The following SLC14A2 variants were observed in gnomAD, a reference collection of about 807,000 sequenced individuals.
The protein encoded by SLC14A2 is solute carrier family 14 member 2.
SLC14A2 carries 91 observed loss-of-function variants against 104.6 expected under a neutral mutation model. That is an observed-to-expected ratio of 0.87 (90% confidence interval 0.73 to 1.04). The LOEUF (loss-of-function observed/expected upper bound fraction) is 1.04, where lower values mean the gene tolerates loss of function less well. Among genes scored for constraint, SLC14A2 ranks in the 50% least tolerant of loss-of-function variants. SLC14A2 has a pLI of 0.00. For missense variants in SLC14A2, 1,189 were observed against 1,156.0 expected (o/e 1.03, Z -0.41); for synonymous variants, 476 against 466.4 (o/e 1.02, Z -0.27).
At chr18:45,661,023 T>C (rs4890295) in intron 10 of SLC14A2, among the ~76,000 whole-genome samples, 122,359 of 152,152 alleles carry the variant, frequency 0.8, 49,746 homozygotes, top group Middle Eastern at 0.84. Flanking sequence ...GTCTTGGCCA[T>C]GTGAGAAAGG....
chr18:45,222,217 T>C (rs1315401702), intron 1 of SLC14A2, among the ~76,000 whole-genome samples: 1 of 152,244 alleles, frequency 6.6e-6, no homozygotes, highest in Non-Finnish European at 1.5e-5. Flanking sequence ...TATGAATGTT[T>C]AGGATCCTGC....
At chr18:45,215,527 A>G (rs532364113) in intron 1 of SLC14A2, among the ~76,000 whole-genome samples, 84 of 152,248 alleles carry the variant, frequency 5.5e-4, no homozygotes, top group Non-Finnish European at 1.1e-3. Flanking sequence ...ATGTTGCTTC[A>G]TCACATCATA....
intron 1 of SLC14A2, among the ~76,000 whole-genome samples, chr18:45,257,737 T>A (rs926057681): frequency 3.3e-5 from 5 of 152,142 alleles, no homozygotes; most frequent in African/African-American, 1.2e-4. Context: ...AAATCACTGG[T>A]GTTAAGTAGG....
At chr18:45,513,222 T>A (rs2043392413) in intron 2 of SLC14A2, among the ~76,000 whole-genome samples, 1 of 152,174 alleles carries the variant, frequency 6.6e-6, no homozygotes, top group African/African-American at 2.4e-5. Flanking sequence ...CTCCCCAGAT[T>A]TTACTTCTAA....
upstream of SLC14A2, chr18:45,615,277 G>GA (rs1422050973): frequency 6.6e-6 from 1 of 152,192 alleles, no homozygotes; most frequent in Non-Finnish European, 1.5e-5. Flanking sequence ...GCCAGGGGCA[G>GA]AATGATATGG....
At position 45,541,496 on chromosome 18, in the gene SLC14A2, G is replaced by T. The variant is rs1030922480; in HGVS notation, c.-35+58174G>T. ...CAGGTAAAAGGCATGGGCCAGACCTGTGTCTGTGGAACTGAGGAAGAACAG... is the reference window on the plus strand; with the variant it reads ...CAGGTAAAAGGCATGGGCCAGACCTTTGTCTGTGGAACTGAGGAAGAACAG... On this transcript the variant is annotated intron_variant, in intron 2 of 20. Transcript: ENST00000586448. Among the ~76,000 whole-genome samples the T allele has an allele frequency of 7.2e-5, 11 of 152,248 alleles. 1 individual carries two copies. Among genetic ancestry groups the T allele is most frequent in the Admixed American group, 7.2e-4 (11 of 15,294 alleles).
At chr18:45,664,551 C>G (rs1456695215) in intron 11 of SLC14A2, among the ~76,000 whole-genome samples, 1 of 152,320 alleles carries the variant, frequency 6.6e-6, no homozygotes, top group Admixed American at 6.5e-5. Context: ...CTAATCCTGC[C>G]TCCAATCCCC....
At chr18:45,539,564 C>T (rs2043852554) in intron 2 of SLC14A2, among the ~76,000 whole-genome samples, 1 of 152,184 alleles carries the variant, frequency 6.6e-6, no homozygotes, top group Non-Finnish European at 1.5e-5. Flanking sequence ...TGGAGCCCAG[C>T]CAGGCAACCC....
intron 1 of SLC14A2, among the ~76,000 whole-genome samples, chr18:45,290,531 T>C (rs565284018): frequency 5.9e-5 from 9 of 152,294 alleles, no homozygotes; most frequent in African/African-American, 2.2e-4. Flanking sequence ...GGCTACTAAC[T>C]GGCAATGAGA....
chr18:45,255,917 C>G (rs2084472862), intron 1 of SLC14A2, among the ~76,000 whole-genome samples: 2 of 152,312 alleles, frequency 1.3e-5, no homozygotes, highest in South Asian at 4.1e-4. Context: ...TCCCAGAGAG[C>G]ATAGAAAGGC....
chr18:45,438,724 G>T (rs1471053455), intron 1 of SLC14A2, among the ~76,000 whole-genome samples: 2 of 152,152 alleles, frequency 1.3e-5, no homozygotes, highest in Non-Finnish European at 2.9e-5. Context: ...CAAGAAAGTT[G>T]AAATTAAAGC....
At chr18:45,296,578 G>A (rs1251726737) in intron 1 of SLC14A2, among the ~76,000 whole-genome samples, 2 of 152,158 alleles carry the variant, frequency 1.3e-5, no homozygotes, top group Non-Finnish European at 2.9e-5. Context: ...ACTACATGCT[G>A]GATTAGGGAG....
intron 1 of SLC14A2, among the ~76,000 whole-genome samples, chr18:45,252,982 A>C (rs2084438710): frequency 6.6e-6 from 1 of 152,222 alleles, no homozygotes; most frequent in Admixed American, 6.5e-5. Context: ...TATTCAAAAA[A>C]GATGGATGTT....
chr18:45,625,774 G>C lies in SLC14A2; in HGVS notation c.242G>C (p.Arg81Pro), dbSNP rs377634668. ...SKRKDDGVAH[R>P]DSAGQRCICL... ...AGGAAAGACGACGGGGTGGCCCATC[G>C]GGACTCAGCAGGCCAAAGGTGCATC... Residue 81 changes from arginine to proline, a missense_variant, in exon 3 of 20, where the codon CGG becomes CCG. Arg to Pro is a moderately radical substitution (Grantham distance 103). Coordinates refer to ENST00000255226, the MANE Select transcript of SLC14A2 (RefSeq NM_007163.4). 5.8e-6 allele frequency: 9 copies of C among 1,559,758 alleles called. No homozygotes were observed. Among genetic ancestry groups the C allele is most frequent in the Non-Finnish European group, 7.8e-6 (9 of 1,158,776 alleles).
At chr18:45,646,117 C>T (rs1402590277) in intron 10 of SLC14A2, 2 of 152,240 alleles carry the variant, frequency 1.3e-5, no homozygotes, top group Non-Finnish European at 2.9e-5. Flanking sequence ...AACCAAGACC[C>T]GCCTTCTACA....
chr18:45,506,069 T>C (rs1162179398), intron 2 of SLC14A2, among the ~76,000 whole-genome samples: 1 of 152,168 alleles, frequency 6.6e-6, no homozygotes, highest in African/African-American at 2.4e-5. Flanking sequence ...CAGCAGGAGA[T>C]TCTGCTTCCA....
intron 1 of SLC14A2, among the ~76,000 whole-genome samples, chr18:45,335,110 A>G (rs1392248324): frequency 6.6e-6 from 1 of 151,972 alleles, no homozygotes; most frequent in Non-Finnish European, 1.5e-5. Context: ...ATAATGAAGT[A>G]TCTATCTTCC....
intron 1 of SLC14A2, among the ~76,000 whole-genome samples, chr18:45,275,573 C>T (rs2084693608): frequency 6.6e-6 from 1 of 152,140 alleles, no homozygotes; most frequent in African/African-American, 2.4e-5. Context: ...GATGAAGGTA[C>T]CCATATGCCA....
intron 1 of SLC14A2, among the ~76,000 whole-genome samples, chr18:45,304,173 C>T (rs2084994735): frequency 1.3e-5 from 2 of 152,152 alleles, no homozygotes; most frequent in Non-Finnish European, 2.9e-5. Flanking sequence ...ATATATTTTC[C>T]TCACAAACAC....
Sources: allele counts gnomAD v4.1 joint callset (sites outside exome capture counted in the v4.1 genomes callset), GRCh38; gene constraint gnomAD v4.1.1; transcripts MANE v1.5; gene names NCBI Gene and HGNC (gene_info 2026-07-23, HGNC 2026-07-21).